The following PLCB1 variants were observed in gnomAD, a reference collection of about 807,000 sequenced individuals.
PLCB1 encodes the protein phospholipase C beta 1, also known as 1-phosphatidylinositol 4,5-bisphosphate phosphodiesterase beta-1.
A neutral mutation model predicts 161.8 loss-of-function variants in PLCB1; 46 were observed. The observed-to-expected ratio is 0.28, with a 90% CI of 0.22 to 0.36. PLCB1 has a LOEUF of 0.36. Among genes scored for constraint, PLCB1 ranks in the 10% least tolerant of loss-of-function variants. PLCB1 has a pLI of 1.00. For synonymous variants in PLCB1, 517 were observed against 503.7 expected, an observed-to-expected ratio of 1.03 and a Z score of -0.35; for missense variants, 1,016 against 1,472.5, an observed-to-expected ratio of 0.69 and a Z score of 5.07.
At chr20:8,194,768 A>T (rs1270520421) in intron 2 of PLCB1, among the ~76,000 whole-genome samples, 2 of 152,066 alleles carry the variant, frequency 1.3e-5, no homozygotes, top group Non-Finnish European at 2.9e-5. Flanking sequence ...CTTTTCTCTC[A>T]AAAAGATTTG....
intron 2 of PLCB1, among the ~76,000 whole-genome samples, chr20:8,276,968 C>A (rs181123329): frequency 3.1e-3 from 351 of 114,242 alleles, no homozygotes; most frequent in Admixed American, 7.1e-3. Context: ...TCTTCTTCTT[C>A]TTCTTCTTCT....
intron 2 of PLCB1, among the ~76,000 whole-genome samples, chr20:8,345,063 G>A (rs561149243): frequency 1.3e-4 from 20 of 152,188 alleles, no homozygotes; most frequent in Admixed American, 9.8e-4. Flanking sequence ...ATGCATACTC[G>A]CTCTCCATAT....
chr20:8,464,011 T>G (rs1168725360), intron 3 of PLCB1, among the ~76,000 whole-genome samples: 1 of 152,180 alleles, frequency 6.6e-6, no homozygotes, highest in Non-Finnish European at 1.5e-5. Context: ...TATTTTCCAT[T>G]TGTTTGAATG....
intron 3 of PLCB1, among the ~76,000 whole-genome samples, chr20:8,609,870 G>C (rs532256516): frequency 9.9e-5 from 15 of 151,962 alleles, no homozygotes; most frequent in Non-Finnish European, 1.9e-4. Context: ...CATCACAAAG[G>C]GTGCACAGGT....
chr20:8,346,016 T>C (rs1246485385), intron 2 of PLCB1, among the ~76,000 whole-genome samples: 4 of 152,168 alleles, frequency 2.6e-5, no homozygotes, highest in African/African-American at 9.7e-5. Flanking sequence ...GCCAAGGATA[T>C]TTGTGTTTTA....
intron 3 of PLCB1, among the ~76,000 whole-genome samples, chr20:8,421,976 C>T (rs375944207): frequency 2.7e-4 from 41 of 152,320 alleles, no homozygotes; most frequent in African/African-American, 8.9e-4. Flanking sequence ...TTATGCACAG[C>T]ATTTAAGCAA....
At chr20:8,756,748 A>C (rs1981755680) in intron 23 of PLCB1, among the ~76,000 whole-genome samples, 1 of 152,180 alleles carries the variant, frequency 6.6e-6, no homozygotes, top group African/African-American at 2.4e-5. Context: ...CAAGTTTGCT[A>C]TTCTCTGATT....
chr20:8,413,306 C>A (rs769281674), intron 3 of PLCB1, among the ~76,000 whole-genome samples: 2 of 152,150 alleles, frequency 1.3e-5, no homozygotes, highest in South Asian at 4.1e-4. Flanking sequence ...GTTTCCCTTT[C>A]GTTGACAAAG....
intron 3 of PLCB1, among the ~76,000 whole-genome samples, chr20:8,523,465 GCTCTCTCTCT>G (rs1174973173): frequency 6.1e-5 from 3 of 48,794 alleles, no homozygotes; most frequent in Non-Finnish European, 7.2e-5. Context: ...TATATATTTG[GCTCTCTCTCT>G]CTCTCTCTCT....
intron 2 of PLCB1, among the ~76,000 whole-genome samples, chr20:8,284,195 C>T (rs918308238): frequency 9.9e-5 from 15 of 151,958 alleles, no homozygotes; most frequent in Admixed American, 2.6e-4. Flanking sequence ...AGGTCTCCCC[C>T]TTTTGGATGC....
intron 14 of PLCB1, among the ~76,000 whole-genome samples, chr20:8,720,086 G>A (rs1023120307): frequency 6.6e-5 from 10 of 152,224 alleles, no homozygotes; most frequent in African/African-American, 2.2e-4. Flanking sequence ...TCTCTTTGAA[G>A]TTTGGAAGTG....
At chr20:8,752,961 G>A (rs1333769221) in intron 23 of PLCB1, among the ~76,000 whole-genome samples, 1 of 68,882 alleles carries the variant, frequency 1.5e-5, no homozygotes, top group Admixed American at 1.3e-4. Flanking sequence ...GGGCAAGCAA[G>A]CAAAGCTTCA....
chr20:8,540,045 G>A (rs1985245894), intron 3 of PLCB1, among the ~76,000 whole-genome samples: 1 of 152,064 alleles, frequency 6.6e-6, no homozygotes, highest in African/African-American at 2.4e-5. Flanking sequence ...CAAAATAAAT[G>A]ATTCAGTGTC....
At chr20:8,333,752 T>C (rs988115108) in intron 2 of PLCB1, among the ~76,000 whole-genome samples, 1 of 152,204 alleles carries the variant, frequency 6.6e-6, no homozygotes, top group Non-Finnish European at 1.5e-5. Context: ...TGCATTCTTG[T>C]GACATGTAGT....
intron 25 of PLCB1, among the ~76,000 whole-genome samples, chr20:8,763,108 C>T (rs1310835618): frequency 1.3e-5 from 2 of 152,312 alleles, no homozygotes; most frequent in East Asian, 3.9e-4. Flanking sequence ...CATCATACCC[C>T]ACCAACCATA....
At chr20:8,218,729 C>T (rs1236759905) in intron 2 of PLCB1, among the ~76,000 whole-genome samples, 2 of 151,758 alleles carry the variant, frequency 1.3e-5, no homozygotes, top group Non-Finnish European at 2.9e-5. Context: ...CAATGCTACT[C>T]CCTAGAAAAT....
intron 1 of PLCB1, among the ~76,000 whole-genome samples, chr20:8,136,954 G>A (rs1280550479): frequency 6.6e-6 from 1 of 152,056 alleles, no homozygotes; most frequent in East Asian, 1.9e-4. Context: ...GTATATATGT[G>A]TATATAATTT....
chr20:8,819,386 A>G (rs1568611727), intron 31 of PLCB1, among the ~76,000 whole-genome samples: 1 of 152,310 alleles, frequency 6.6e-6, no homozygotes, highest in East Asian at 1.9e-4. Context: ...CAAGAATTAA[A>G]TATGAAATAT....
At chr20:8,211,905 A>G (rs184263609) in intron 2 of PLCB1, among the ~76,000 whole-genome samples, 58 of 152,244 alleles carry the variant, frequency 3.8e-4, no homozygotes, top group Admixed American at 3.4e-3. Flanking sequence ...TTAAGCTATT[A>G]ATATCCTTTT....
Sources: gnomAD v4.1 joint callset for allele counts (sites outside exome capture counted in the v4.1 genomes callset) on GRCh38, gnomAD v4.1.1 for gene constraint, MANE v1.5 for transcripts, NCBI Gene and HGNC (gene_info 2026-07-23, HGNC 2026-07-21) for gene names.